The following PCDHGC4 variants were observed in gnomAD, a reference collection of about 807,000 sequenced individuals.
PCDHGC4 encodes protocadherin gamma subfamily C, 4.
In PCDHGC4, 15 loss-of-function variants were observed where a neutral mutation model predicts 59.7. The observed-to-expected ratio is 0.25, with a 90% CI of 0.17 to 0.39. The LOEUF (loss-of-function observed/expected upper bound fraction) is 0.39, where lower values mean the gene tolerates loss of function less well. Among genes scored for constraint, PCDHGC4 ranks in the 10% least tolerant of loss-of-function variants. PCDHGC4 has a pLI of 1.00. For synonymous variants in PCDHGC4, 434 were observed against 481.4 expected (o/e 0.90, Z 1.29); for missense variants, 1,016 against 1,189.5 (o/e 0.85, Z 2.15).
In PCDHGC4 at chr5:141,512,009, CAAGTT is replaced by C. The variant is rs1409890580; in HGVS notation, c.*838_*842del. On this transcript the variant is annotated 3_prime_UTR_variant, in exon 4 of 4. Transcript: ENST00000306593. ...GGGGCATGGACAAAGCTTGACACATCAAGTTATCAAGGCCTTGGAGGAGGCTCTGT... is the reference window on the plus strand; with the variant it reads ...GGGGCATGGACAAAGCTTGACACATCATCAAGGCCTTGGAGGAGGCTCTGT... 1 of 153,074 alleles carries C rather than the reference CAAGTT, an allele frequency of 6.5e-6. No individual in the cohort carries two copies. The highest frequency in any genetic ancestry group is 1.9e-4 in the East Asian group (1 of 5,182). 9.5% of individuals were successfully genotyped at this position (153,074 alleles called of 1,614,324 possible).
chr5:141,485,226 T>C lies in PCDHGC4; in HGVS notation c.53T>C (p.Leu18Ser). ...GAAATCTGGCGGTGGGCTACCCTTT[T>C]GTTCCTCTTTTACCACCTGGGTTAC... Reference protein sequence around the residue: ...WTEIWRWATLLFLFYHLGYVC... With the variant: ...WTEIWRWATLSFLFYHLGYVC... Residue 18 changes from leucine to serine, a missense_variant, in exon 1 of 4, where the codon TTG becomes TCG. Transcript: ENST00000306593. The surrounding 1 kb of genome is among the most constrained non-coding windows in gnomAD (Gnocchi z 5.7). 1.9e-6 allele frequency: 3 copies of C among 1,614,170 alleles called. No homozygotes were observed. Among genetic ancestry groups the C allele is most frequent in the Non-Finnish European group, 2.5e-6 (3 of 1,180,026 alleles).
intron 2 of PCDHGC4, 143 bp from the exon 3 acceptor site, chr5:141,505,250 T>C: frequency 2.8e-6 from 4 of 1,439,476 alleles, no homozygotes; most frequent in Non-Finnish European, 9.3e-7. Flanking sequence ...ATTGTAGAAG[T>C]GCCTCCTACC....
chr5:141,495,107 A>G (rs559621284), intron 2 of PCDHGC4, among the ~76,000 whole-genome samples: 1 of 152,166 alleles, frequency 6.6e-6, no homozygotes, highest in East Asian at 1.9e-4. Flanking sequence ...CACGACCGGC[A>G]CCTTTTCCTA....
At position 141,487,886 on chromosome 5, in the gene PCDHGC4, G is replaced by A. The variant is rs1208779156; in HGVS notation, c.2442+271G>A. On this transcript the variant is annotated intron_variant, in intron 1 of 3. Transcript: ENST00000306593. This position sits in a 1 kb window ranked among gnomAD's most constrained non-coding sequence, Gnocchi z 5.0. ...GATCAAGAGCCAGGCTGTTGTGGAA[G>A]CATGATGATGGAATGTGGGAGCACA... is the stretch of plus-strand genomic sequence containing the variant. 1.3e-6 allele frequency: 1 copy of A among 751,316 alleles called. No individual in the cohort carries two copies. The highest frequency in any genetic ancestry group is 2.1e-6 in the Non-Finnish European group (1 of 467,526). The allele number at this position is 751,316 out of a possible 1,614,324, so 46.5% of individuals were successfully genotyped here.
At position 141,511,219 on chromosome 5, in the gene PCDHGC4, G is replaced by A. The variant is rs1467284181; in HGVS notation, c.*46G>A. On this transcript the variant is annotated 3_prime_UTR_variant, in exon 4 of 4. Coordinates refer to ENST00000306593, the MANE Select transcript of PCDHGC4 (RefSeq NM_018928.3). ...CCACAGGGCGGCCTCTCCCCAACCA[G>A]CCCAGCTTCTCCTTACCTGCACCCA... 5 of 1,606,366 alleles carry A rather than the reference G, an allele frequency of 3.1e-6. No individual in the cohort carries two copies. The highest frequency in any genetic ancestry group is 2.7e-5 in the African/African-American group (2 of 74,686).
intron 3 of PCDHGC4, among the ~76,000 whole-genome samples, chr5:141,509,347 C>A (rs755234053): frequency 2.6e-5 from 4 of 152,142 alleles, no homozygotes; most frequent in Non-Finnish European, 5.9e-5. Context: ...CCTGGGCTGG[C>A]CTGGGCATCC....
In PCDHGC4 at chr5:141,511,086, G is replaced by A. The variant is rs2099883600; in HGVS notation, c.2730G>A (p.Leu910=). The A allele has an allele frequency of 1.2e-6, 2 of 1,614,062 alleles. No individual in the cohort carries two copies. The highest frequency in any genetic ancestry group is 2.2e-5 in the East Asian group (1 of 44,886). The change falls in exon 4 of 4, where the codon CTG becomes CTA. Residue 910 remains leucine (L), a synonymous_variant. Transcript: ENST00000306593. ...ACATCCCAGGCAGCAATGCCACACT[G>A]ACCAACGCAGCTGGCAAGCGGGATG... is the stretch of plus-strand genomic sequence containing the variant. The part of the protein sequence containing the change: ...NVYIPGSNAT[L]TNAAGKRDGK...
chr5:141,495,817 T>G (rs2099764054), intron 2 of PCDHGC4, among the ~76,000 whole-genome samples: 1 of 152,110 alleles, frequency 6.6e-6, no homozygotes, highest in African/African-American at 2.4e-5. Context: ...TAGCGCCTTG[T>G]GTTCTTCTAT....
At chr5:141,510,682 G>C (rs1014890367) in intron 3 of PCDHGC4, among the ~76,000 whole-genome samples, 2 of 152,154 alleles carry the variant, frequency 1.3e-5, no homozygotes, top group Non-Finnish European at 2.9e-5. Context: ...GTGGCATAAG[G>C]AGGTTAGGTA....
chr5:141,485,383 G>C lies in PCDHGC4; in HGVS notation c.210G>C (p.Val70=). 6.2e-7 allele frequency: 1 copy of C among 1,614,128 alleles called. No individual in the cohort carries two copies. Among genetic ancestry groups the C allele is most frequent in the Non-Finnish European group, 8.5e-7 (1 of 1,180,020 alleles). The change falls in exon 1 of 4, where the codon GTG becomes GTC. Residue 70 remains valine, a synonymous_variant. Coordinates refer to ENST00000306593, the MANE Select transcript of PCDHGC4 (RefSeq NM_018928.3). The surrounding 1 kb of genome is among the most constrained non-coding windows in gnomAD (Gnocchi z 5.7). Reference sequence around the variant, plus strand: ...GCAGGCTGCAGGTCGCTGGAGAGGTGAACCAAAGACACTTCCGTGTGGATT... The same window carrying C: ...GCAGGCTGCAGGTCGCTGGAGAGGTCAACCAAAGACACTTCCGTGTGGATT... ...SARRLQVAGE[V]NQRHFRVDLD...
chr5:141,498,807 C>T (rs113587634), intron 2 of PCDHGC4, among the ~76,000 whole-genome samples: 5,552 of 152,138 alleles, frequency 0.036, 136 homozygotes, highest in South Asian at 0.073. Context: ...GTGGTGCACA[C>T]CTGTAGTCCC....
Position 141,492,511 on chromosome 5 carries a change from C to T in PCDHGC4, c.2443-2296C>T, listed in dbSNP as rs58889912. Among the ~76,000 whole-genome samples the T allele has an allele frequency of 1.7e-3, 262 of 152,326 alleles. 2 individuals are homozygous for T. The highest frequency in any genetic ancestry group is 6.0e-3 in the African/African-American group (249 of 41,582). On this transcript the variant is annotated intron_variant, in intron 1 of 3. Coordinates refer to ENST00000306593, the MANE Select transcript of PCDHGC4 (RefSeq NM_018928.3). Reference sequence around the variant, plus strand: ...CCAGGCGAGGACTCCGGAGCCTCCTCTCACCTCTCCCACCTGCGCCCCGGG... The same window carrying T: ...CCAGGCGAGGACTCCGGAGCCTCCTTTCACCTCTCCCACCTGCGCCCCGGG...
rs1282403944 is a variant in PCDHGC4 at position 141,485,452 on chromosome 5, G to A, written c.279G>A (p.Glu93=). ...ALLIKNPIDR[E]ALCGLSASCI... ...TCATCAAGAACCCAATCGACCGAGA[G>A]GCACTGTGTGGGCTCAGTGCCAGCT... Residue 93 remains glutamate (E), a synonymous_variant, in exon 1 of 4, where the codon GAG becomes GAA. Transcript: ENST00000306593. The surrounding 1 kb of genome is among the most constrained non-coding windows in gnomAD (Gnocchi z 5.7). 2.5e-6 allele frequency: 4 copies of A among 1,614,054 alleles called. No individual in the cohort carries two copies. Among genetic ancestry groups the A allele is most frequent in the East Asian group, 4.5e-5 (2 of 44,884 alleles).
intron 3 of PCDHGC4, among the ~76,000 whole-genome samples, chr5:141,510,511 T>C (rs2099881465): frequency 6.6e-6 from 1 of 152,142 alleles, no homozygotes; most frequent in Non-Finnish European, 1.5e-5. Context: ...TGAGAGCCCG[T>C]GTCACAGCCC....
At chr5:141,505,616 C>T in intron 3 of PCDHGC4, 135 bp downstream of exon 3, 2 of 1,503,162 alleles carry the variant, frequency 1.3e-6, no homozygotes, top group South Asian at 1.3e-5. Flanking sequence ...CTGAAAGGAC[C>T]CACAATTCCA....
At chr5:141,497,703 C>T (rs995815060) in intron 2 of PCDHGC4, among the ~76,000 whole-genome samples, 16 of 152,134 alleles carry the variant, frequency 1.1e-4, no homozygotes, top group African/African-American at 3.9e-4. Context: ...CCACACCCAG[C>T]TCATTTTTGT....
At position 141,486,813 on chromosome 5, in the gene PCDHGC4, G is replaced by A; in HGVS notation, c.1640G>A (p.Ser547Asn). Residue 547 changes from serine (S) to asparagine (N), a missense_variant, in exon 1 of 4, where the codon AGC (serine) becomes AAC (asparagine). By Grantham distance (46) the Ser-to-Asn change is conservative. Transcript: ENST00000306593. The surrounding 1 kb of genome is among the most constrained non-coding windows in gnomAD (Gnocchi z 5.0). ...ARDRGNPPLS[S>N]TVTVRLFVLD... ...GATCGGGGCAACCCACCCCTTAGCA[G>A]CACTGTAACAGTTCGTCTATTTGTG... The A allele has an allele frequency of 6.2e-7, 1 of 1,614,212 alleles. No individual in the cohort carries two copies.
intron 1 of PCDHGC4, 157 bp from the exon 2 acceptor site, chr5:141,494,645 GTGTAT>G: frequency 1.1e-6 from 1 of 935,948 alleles, no homozygotes; most frequent in Non-Finnish European, 1.3e-6. Context: ...GAGACCTGAG[GTGTAT>G]TTTGTCTTTG....
chr5:141,511,093 G>A lies in PCDHGC4; in HGVS notation c.2737G>A (p.Ala913Thr), dbSNP rs377350933. The change falls in exon 4 of 4, where the codon GCA (alanine) becomes ACA (threonine). Residue 913 changes from alanine to threonine, a missense_variant. Physicochemically the swap from Ala to Thr is moderately conservative, Grantham distance 58. Coordinates refer to ENST00000306593, the MANE Select transcript of PCDHGC4 (RefSeq NM_018928.3). Reference protein sequence around the residue: ...IPGSNATLTNAAGKRDGKAPA... With the variant: ...IPGSNATLTNTAGKRDGKAPA... ...AGGCAGCAATGCCACACTGACCAACGCAGCTGGCAAGCGGGATGGCAAGGC... is the reference window on the plus strand; with the variant it reads ...AGGCAGCAATGCCACACTGACCAACACAGCTGGCAAGCGGGATGGCAAGGC... 8 of 1,614,072 alleles carry A rather than the reference G, an allele frequency of 5.0e-6. No individual in the cohort carries two copies. Among genetic ancestry groups the A allele is most frequent in the African/African-American group, 4.0e-5 (3 of 74,916 alleles).
Sources: gnomAD v4.1 joint callset for allele counts (sites outside exome capture counted in the v4.1 genomes callset) on GRCh38, gnomAD v4.1.1 for gene constraint, Gnocchi (gnomAD v3.1) non-coding constraint, MANE v1.5 for transcripts, NCBI Gene and HGNC (gene_info 2026-07-23, HGNC 2026-07-21) for gene names.